Variants in TMEM131 observed in about 807,000 individuals in gnomAD.
TMEM131 encodes the protein 2610524E03Rik.
In TMEM131, 66 loss-of-function variants were observed where a neutral mutation model predicts 211.6. The observed-to-expected ratio is 0.31, with a 90% CI of 0.26 to 0.38. The LOEUF is 0.38. Ranked by LOEUF, TMEM131 falls within the 10% of genes least tolerant of loss-of-function variation. The pLI is 1.00. For missense variants in TMEM131, 2,036 were observed against 2,299.3 expected (o/e 0.89, Z 2.34); for synonymous variants, 844 against 841.3 (o/e 1.00, Z -0.06).
intron 1 of TMEM131, among the ~76,000 whole-genome samples, chr2:97,943,016 GAAAAGAAAAGA>G (rs1176940725): frequency 1.3e-4 from 13 of 103,194 alleles, no homozygotes; most frequent in African/African-American, 4.1e-4. Flanking sequence ...AGAAAGAAAA[GAAAAGAAAAGA>G]AAAGAAAAGA....
At position 97,834,863 on chromosome 2, in the gene TMEM131, A is replaced by T; in HGVS notation, c.867T>A (p.Asp289Glu). ...TTATTCTTATGAAGGCTGTGTGATTATCTGCTTCTCTAGATGAAAAACTGG... is the reference window on the plus strand; with the variant it reads ...TTATTCTTATGAAGGCTGTGTGATTTTCTGCTTCTCTAGATGAAAAACTGG... ...MRASFSSREADNHTAFIRIKT... is the reference protein window; with the variant it reads ...MRASFSSREAENHTAFIRIKT... Residue 289 changes from aspartate (D) to glutamate (E), a missense_variant, in exon 9 of 41, where the codon GAT becomes GAA. This residue lies in a region of TMEM131 where 277 missense variants were observed against 378.0 expected (regional missense o/e 0.73). Transcript: ENST00000186436. The T allele has an allele frequency of 8.1e-6, 13 of 1,613,842 alleles. No homozygotes were observed. Among genetic ancestry groups the T allele is most frequent in the Non-Finnish European group, 1.0e-5 (12 of 1,179,806 alleles).
At chr2:97,773,194 G>A (rs901507129) in intron 32 of TMEM131, among the ~76,000 whole-genome samples, 2 of 152,198 alleles carry the variant, frequency 1.3e-5, no homozygotes, top group Non-Finnish European at 2.9e-5. Context: ...CTGCGATTGC[G>A]GCAGGGTTCC....
At chr2:97,925,741 T>A (rs1676959095) in intron 2 of TMEM131, among the ~76,000 whole-genome samples, 1 of 152,116 alleles carries the variant, frequency 6.6e-6, no homozygotes, top group African/African-American at 2.4e-5. Flanking sequence ...AGAAAACAAG[T>A]CTAATCTTTT....
At chr2:97,994,864 T>G (rs747654207) in intron 1 of TMEM131, among the ~76,000 whole-genome samples, 1 of 152,204 alleles carries the variant, frequency 6.6e-6, no homozygotes, top group East Asian at 1.9e-4. Context: ...TTTAAAGGCT[T>G]TCACATCAAA....
intron 31 of TMEM131, among the ~76,000 whole-genome samples, chr2:97,781,493 G>C (rs1680004368): frequency 6.6e-6 from 1 of 152,188 alleles, no homozygotes; most frequent in Admixed American, 6.5e-5. Flanking sequence ...GCTTTACAGT[G>C]AAAATTTCTA....
chr2:97,979,990 C>T (rs1426648075), intron 1 of TMEM131, among the ~76,000 whole-genome samples: 1 of 152,114 alleles, frequency 6.6e-6, no homozygotes, highest in Non-Finnish European at 1.5e-5. Flanking sequence ...TACTAATTGT[C>T]CTAATTTCAA....
At chr2:97,888,255 G>T in intron 3 of TMEM131, 135 bp from the exon 4 acceptor site, 1 of 580,382 alleles carries the variant, frequency 1.7e-6, no homozygotes. Flanking sequence ...TATCAGAAAT[G>T]TGCGTCACTT....
chr2:97,834,814 C>G lies in TMEM131; in HGVS notation c.916G>C (p.Glu306Gln). Residue 306 changes from glutamate to glutamine, a missense_variant, in exon 9 of 41, where the codon GAG (glutamate) becomes CAG (glutamine). Physicochemically the swap from Glu to Gln is conservative, Grantham distance 29 (BLOSUM62 2). Around this residue, in one of 3 missense-constraint regions of TMEM131, gnomAD observed 277 missense variants for 378.0 expected, o/e 0.73. Coordinates refer to ENST00000186436, the MANE Select transcript of TMEM131 (RefSeq NM_015348.2). ...RIKTNASDST[E>Q]FIILPVEVEV... ...ACCTCAACAGGAAGAATGATAAACT[C>G]TGTGCTGTCTGAAGCATTAGTCTTT... 1 of 1,613,806 alleles carries G rather than the reference C, an allele frequency of 6.2e-7. No individual in the cohort carries two copies. The highest frequency in any genetic ancestry group is 8.5e-7 in the Non-Finnish European group (1 of 1,179,820).
chr2:97,808,835 T>C (rs1681425830), intron 19 of TMEM131, among the ~76,000 whole-genome samples: 1 of 152,122 alleles, frequency 6.6e-6, no homozygotes, highest in South Asian at 2.1e-4. Flanking sequence ...AGTCAAGAAA[T>C]CTTCAGAGAG....
At chr2:97,822,982 A>C (rs1682201734) in intron 11 of TMEM131, among the ~76,000 whole-genome samples, 1 of 152,156 alleles carries the variant, frequency 6.6e-6, no homozygotes, top group South Asian at 2.1e-4. Context: ...ACCTGAGGGA[A>C]GTATAAATTA....
intron 39 of TMEM131, 58 bp downstream of exon 39, chr2:97,759,594 C>T (rs1333701340): frequency 6.4e-6 from 9 of 1,409,268 alleles, no homozygotes; most frequent in Middle Eastern, 1.8e-4. Flanking sequence ...AACCACACCT[C>T]CTCTCCCTTC....
At chr2:97,880,358 G>C (rs1674875888) in intron 4 of TMEM131, among the ~76,000 whole-genome samples, 1 of 152,190 alleles carries the variant, frequency 6.6e-6, no homozygotes, top group Non-Finnish European at 1.5e-5. Flanking sequence ...AAAACGACAT[G>C]ATCAGATTTT....
At position 97,859,696 on chromosome 2, in the gene TMEM131, G is replaced by A. The variant is rs1017008780; in HGVS notation, c.360-269C>T. Reference sequence around the variant, plus strand: ...GAGGCTCAGAACCCAGTGAGGCGGCGGACGGGGCACAAAATGGTCAGTTCC... The same window carrying A: ...GAGGCTCAGAACCCAGTGAGGCGGCAGACGGGGCACAAAATGGTCAGTTCC... On this transcript the variant is annotated intron_variant, in intron 4 of 40. Coordinates refer to ENST00000186436, the MANE Select transcript of TMEM131 (RefSeq NM_015348.2). Among the ~76,000 whole-genome samples, 10 of 152,270 alleles carry A rather than the reference G, an allele frequency of 6.6e-5. No homozygotes were observed. In the East Asian group the frequency reaches 1.5e-3, roughly 23 times the overall value.
At chr2:97,776,051 GT>G (rs759023064) in intron 31 of TMEM131, 33 bp from the exon 32 acceptor site, 6 of 1,582,012 alleles carry the variant, frequency 3.8e-6, no homozygotes, top group Non-Finnish European at 4.3e-6. Context: ...AAGAACTCTT[GT>G]TTTTGTTTCT....
At chr2:97,910,873 T>C (rs1220112249) in intron 2 of TMEM131, among the ~76,000 whole-genome samples, 2 of 152,176 alleles carry the variant, frequency 1.3e-5, no homozygotes, top group African/African-American at 4.8e-5. Context: ...AGCCAATTTC[T>C]TACAAAGTTA....
intron 4 of TMEM131, among the ~76,000 whole-genome samples, chr2:97,872,495 C>G (rs986803869): frequency 2.0e-5 from 3 of 152,024 alleles, no homozygotes; most frequent in Admixed American, 6.5e-5. Flanking sequence ...CGAACAGGAA[C>G]AGCTCCAGTC....
intron 36 of TMEM131, 121 bp from the exon 37 acceptor site, chr2:97,761,035 C>T: frequency 2.2e-6 from 3 of 1,342,072 alleles, no homozygotes; most frequent in Non-Finnish European, 3.1e-6. Context: ...GCTCACAGAG[C>T]ATCGCTCAGC....
intron 3 of TMEM131, among the ~76,000 whole-genome samples, chr2:97,900,123 T>C (rs1675789184): frequency 6.6e-6 from 1 of 152,046 alleles, no homozygotes; most frequent in African/African-American, 2.4e-5. Context: ...ACAGGTAGAG[T>C]ATCAGTCGTT....
chr2:97,959,584 T>C (rs1403695624), intron 1 of TMEM131, among the ~76,000 whole-genome samples: 2 of 152,142 alleles, frequency 1.3e-5, no homozygotes, highest in African/African-American at 2.4e-5. Context: ...TGTATCTATA[T>C]ATGGTCAAAC....
Sources: allele counts gnomAD v4.1 joint callset (sites outside exome capture counted in the v4.1 genomes callset), GRCh38; gene constraint gnomAD v4.1.1; regional missense constraint gnomAD v4.1.1; transcripts MANE v1.5; gene names NCBI Gene and HGNC (gene_info 2026-07-23, HGNC 2026-07-21).